Variants in ATXN7L1 observed in about 807,000 individuals in gnomAD.
The protein encoded by ATXN7L1 is ataxin-7-like protein 1.
A neutral mutation model predicts 70.8 loss-of-function variants in ATXN7L1; 15 were observed. The observed-to-expected ratio is 0.21, with a 90% CI of 0.14 to 0.33. The LOEUF (loss-of-function observed/expected upper bound fraction) is 0.33. ATXN7L1 is among the 10% of genes least tolerant of loss of function. The pLI is 1.00. For synonymous variants in ATXN7L1, 440 were observed against 445.1 expected, an observed-to-expected ratio of 0.99 and a Z score of 0.14; for missense variants, 975 against 1,097.1, an observed-to-expected ratio of 0.89 and a Z score of 1.57.
In ATXN7L1 at chr7:105,860,338, C is replaced by T. The variant is rs549293120; in HGVS notation, c.250+15474G>A. ...AATATTAAATGAAAAACTTTAGGTGCTCAAAGATGTCTGTGACTCTGCACC... is the reference window on the plus strand; with the variant it reads ...AATATTAAATGAAAAACTTTAGGTGTTCAAAGATGTCTGTGACTCTGCACC... On this transcript the variant is annotated intron_variant, in intron 2 of 11. Transcript: ENST00000419735. Among the ~76,000 whole-genome samples the T allele has an allele frequency of 5.3e-5, 8 of 151,962 alleles. No individual in the cohort carries two copies. The East Asian group carries it at 9.7e-4, about 18-fold the overall frequency.
At chr7:105,695,806 G>A (rs911477754) in intron 3 of ATXN7L1, among the ~76,000 whole-genome samples, 5 of 152,210 alleles carry the variant, frequency 3.3e-5, no homozygotes, top group African/African-American at 1.2e-4. Context: ...ATGGACACAC[G>A]CACAGCTTAA....
chr7:105,778,259 A>G (rs1803012099), intron 3 of ATXN7L1, among the ~76,000 whole-genome samples: 2 of 151,692 alleles, frequency 1.3e-5, no homozygotes, highest in Admixed American at 1.3e-4. Flanking sequence ...GTAGTCCCAG[A>G]ACTTTGGGAG....
chr7:105,788,734 G>C (rs1211101726), intron 2 of ATXN7L1, 26 bp from the exon 3 acceptor site: 1 of 1,566,860 alleles, frequency 6.4e-7, no homozygotes. Context: ...AAACAAGTGT[G>C]TTTTGAAAAA....
chr7:105,864,686 T>C (rs1215900867), intron 2 of ATXN7L1, among the ~76,000 whole-genome samples: 1 of 151,284 alleles, frequency 6.6e-6, no homozygotes, highest in Non-Finnish European at 1.5e-5. Flanking sequence ...CAGGCTGGAG[T>C]GCAGTGGTGC....
intron 3 of ATXN7L1, among the ~76,000 whole-genome samples, chr7:105,691,400 C>T (rs769093788): frequency 6.6e-6 from 1 of 152,086 alleles, no homozygotes; most frequent in East Asian, 1.9e-4. Context: ...CATACACCGC[C>T]GTTTCTCTAA....
Position 105,614,815 on chromosome 7 carries a change from T to C in ATXN7L1, c.1519A>G (p.Lys507Glu). ...GGGCTATCTGCCGCAGGAGGGATCT[T>C]CCTAAACATGAGAGAAGAGTGAAAG... ...EKHLNSQMWK[K>E]IPPAADSPLP... The change falls in exon 10 of 12, where the codon AAG becomes GAG. Residue 507 changes from lysine to glutamate, a missense_variant and splice_region_variant. Physicochemically the swap from Lys to Glu is moderately conservative, Grantham distance 56. Transcript: ENST00000419735. This position sits in a 1 kb window ranked among gnomAD's most constrained non-coding sequence, Gnocchi z 4.3. 6.5e-7 allele frequency: 1 copy of C among 1,547,994 alleles called. No homozygotes were observed. The highest frequency in any genetic ancestry group is 8.7e-7 in the Non-Finnish European group (1 of 1,144,854).
chr7:105,775,344 C>G (rs1478112079), intron 3 of ATXN7L1, among the ~76,000 whole-genome samples: 2 of 152,194 alleles, frequency 1.3e-5, no homozygotes, highest in African/African-American at 4.8e-5. Context: ...TAGCTCTACA[C>G]ATCATGGGAA....
At chr7:105,685,568 A>G (rs1251784553) in intron 3 of ATXN7L1, among the ~76,000 whole-genome samples, 1 of 152,188 alleles carries the variant, frequency 6.6e-6, no homozygotes, top group African/African-American at 2.4e-5. Flanking sequence ...ATAAAGAAAA[A>G]GGAGTGGGTC....
chr7:105,717,138 AT>A (rs1399170400), intron 3 of ATXN7L1, among the ~76,000 whole-genome samples: 1 of 151,914 alleles, frequency 6.6e-6, no homozygotes, highest in African/African-American at 2.4e-5. Flanking sequence ...AAATTTATTT[AT>A]TTTTTTGAGA....
chr7:105,664,575 G>GTGTGTGTGTATATATA lies in ATXN7L1; in HGVS notation c.578+490_578+491insTATATATACACACACA. ...ACATATATATATTATGTATGTGTGT[G>GTGTGTGTGTATATATA]TATATATATATATTTGAGACAGAGT... On this transcript the variant is annotated intron_variant, in intron 4 of 11. Coordinates refer to ENST00000419735, the MANE Select transcript of ATXN7L1 (RefSeq NM_020725.2). 2.9e-4 allele frequency among the ~76,000 whole-genome samples: 38 copies of GTGTGTGTGTATATATA among 131,988 alleles called. 1 individual carries two copies. The highest frequency in any genetic ancestry group is 1.0e-3 in the African/African-American group (36 of 35,414). The allele number at this position is 131,988 out of a possible 152,430, so 86.6% of individuals were successfully genotyped here.
chr7:105,686,405 A>G (rs1400317302), intron 3 of ATXN7L1, among the ~76,000 whole-genome samples: 1 of 152,132 alleles, frequency 6.6e-6, no homozygotes, highest in Non-Finnish European at 1.5e-5. Context: ...AATCCTAGCT[A>G]CTTGGGAGGC....
intron 2 of ATXN7L1, among the ~76,000 whole-genome samples, chr7:105,854,185 T>C (rs984618476): frequency 2.0e-5 from 3 of 152,204 alleles, no homozygotes; most frequent in Admixed American, 6.5e-5. Context: ...CACTGGAGAC[T>C]GGTCCTCTCA....
chr7:105,664,635 A>G (rs947816384), intron 4 of ATXN7L1, among the ~76,000 whole-genome samples: 4 of 148,766 alleles, frequency 2.7e-5, no homozygotes, highest in Non-Finnish European at 3.0e-5. Flanking sequence ...CAGTGGCGTG[A>G]TCTCGGCTCA....
intron 3 of ATXN7L1, among the ~76,000 whole-genome samples, chr7:105,750,369 C>T (rs780996073): frequency 2.0e-5 from 3 of 151,674 alleles, no homozygotes; most frequent in Admixed American, 6.6e-5. Flanking sequence ...CTTGACCTCC[C>T]GGCTCAAGTG....
At chr7:105,655,127 T>G (rs2116001865) in intron 4 of ATXN7L1, among the ~76,000 whole-genome samples, 1 of 152,308 alleles carries the variant, frequency 6.6e-6, no homozygotes, top group South Asian at 2.1e-4. Flanking sequence ...TGAGCACTTC[T>G]GTGACTTCAC....
intron 2 of ATXN7L1, among the ~76,000 whole-genome samples, chr7:105,827,525 T>G (rs1032342279): frequency 2.0e-5 from 3 of 152,214 alleles, no homozygotes; most frequent in African/African-American, 7.2e-5. Context: ...ACCAAAGTTT[T>G]TCAACCAAAT....
rs1355697101 is a variant in ATXN7L1, at chr7:105,665,240, G to A, written c.404C>T (p.Pro135Leu). Reference protein sequence around the residue: ...MCRPSPSPVSPASNPRTSLVQ... With the variant: ...MCRPSPSPVSLASNPRTSLVQ... Reference sequence around the variant, plus strand: ...TAGTGATGTCCTGGGATTGGAGGCTGGAGACACTGGAGAGGGAGAAGGTCT... The same window carrying A: ...TAGTGATGTCCTGGGATTGGAGGCTAGAGACACTGGAGAGGGAGAAGGTCT... The change falls in exon 4 of 12, where the codon CCA becomes CTA. Residue 135 changes from proline to leucine, a missense_variant. Transcript: ENST00000419735. 6.4e-7 allele frequency: 1 copy of A among 1,551,648 alleles called. No homozygotes were observed.
chr7:105,865,830 C>A (rs10278160), intron 2 of ATXN7L1, among the ~76,000 whole-genome samples: 22,824 of 152,028 alleles, frequency 0.15, 2,531 homozygotes, highest in African/African-American at 0.3. Flanking sequence ...TGTATCATGG[C>A]AACACTAACT....
At chr7:105,626,071 T>C (rs1217284400) in intron 7 of ATXN7L1, among the ~76,000 whole-genome samples, 1 of 152,210 alleles carries the variant, frequency 6.6e-6, no homozygotes, top group Non-Finnish European at 1.5e-5. Flanking sequence ...CTCAAATACT[T>C]GAACTTAAAA....
Sources: allele counts gnomAD v4.1 joint callset (sites outside exome capture counted in the v4.1 genomes callset), GRCh38; gene constraint gnomAD v4.1.1; non-coding constraint Gnocchi (gnomAD v3.1); transcripts MANE v1.5; gene names NCBI Gene and HGNC (gene_info 2026-07-23, HGNC 2026-07-21).